Variants in PCDH9 observed in about 807,000 individuals in gnomAD.
PCDH9 encodes the protein protocadherin-9.
Under a neutral mutation model 70.6 loss-of-function variants are expected in PCDH9, and 24 were observed. That is an observed-to-expected ratio of 0.34 (90% confidence interval 0.25 to 0.48). The LOEUF (loss-of-function observed/expected upper bound fraction) is 0.48, where lower values mean the gene tolerates loss of function less well. PCDH9 is among the 20% of genes least tolerant of loss of function. The pLI is 0.99. For missense variants in PCDH9, 1,281 were observed against 1,503.6 expected (o/e 0.85, Z 2.45); for synonymous variants, 562 against 558.5 (o/e 1.01, Z -0.09).
chr13:66,421,511 T>C (rs267321), intron 4 of PCDH9, among the ~76,000 whole-genome samples: 146,373 of 152,262 alleles, frequency 0.96, 70,587 homozygotes, highest in East Asian at 1. Context: ...CAATATTCAA[T>C]ATTCTTGAAA....
chr13:66,374,079 A>G (rs1337732383), intron 4 of PCDH9, among the ~76,000 whole-genome samples: 2 of 152,078 alleles, frequency 1.3e-5, no homozygotes, highest in African/African-American at 4.8e-5. Context: ...AGAGACTGTC[A>G]AAGGTGGGCA....
At chr13:66,472,724 T>C (rs1200329695) in intron 4 of PCDH9, among the ~76,000 whole-genome samples, 1 of 151,010 alleles carries the variant, frequency 6.6e-6, no homozygotes, top group African/African-American at 2.5e-5. Flanking sequence ...CAGTTAAGAG[T>C]TTTGTACATG....
intron 4 of PCDH9, among the ~76,000 whole-genome samples, chr13:66,511,116 T>C (rs778983607): frequency 2.8e-4 from 43 of 152,160 alleles, no homozygotes; most frequent in Non-Finnish European, 5.4e-4. Context: ...AACATTCATA[T>C]CCAAAATGAT....
chr13:67,225,922 T>C lies in PCDH9; in HGVS notation c.2519A>G (p.His840Arg). 1 of 1,614,140 alleles carries C rather than the reference T, an allele frequency of 6.2e-7. No homozygotes were observed. Among genetic ancestry groups the C allele is most frequent in the Non-Finnish European group, 8.5e-7 (1 of 1,180,038 alleles). ...IFVTVLVRCRHASRFKAAQRS... is the reference protein window; with the variant it reads ...IFVTVLVRCRRASRFKAAQRS... ...CTGAGCTGCTTTGAACCTTGATGCATGGCGACAGCGCACCAGAACGGTGAC... is the reference window on the plus strand; with the variant it reads ...CTGAGCTGCTTTGAACCTTGATGCACGGCGACAGCGCACCAGAACGGTGAC... The change falls in exon 2 of 5, where the codon CAT (histidine) becomes CGT (arginine). Residue 840 changes from histidine to arginine, a missense_variant. His to Arg is a conservative substitution (Grantham distance 29). Around this residue, in one of 4 missense-constraint regions of PCDH9, gnomAD observed 207 missense variants for 191.8 expected, o/e 1.08. Coordinates refer to ENST00000377865, the MANE Select transcript of PCDH9 (RefSeq NM_203487.3).
chr13:66,358,626 C>T (rs960894285), intron 4 of PCDH9, among the ~76,000 whole-genome samples: 15 of 151,838 alleles, frequency 9.9e-5, no homozygotes, highest in Middle Eastern at 3.4e-3. Flanking sequence ...TATTGCAAAA[C>T]AGTTGGCAAC....
At chr13:66,384,229 T>C (rs1956891266) in intron 4 of PCDH9, among the ~76,000 whole-genome samples, 1 of 152,136 alleles carries the variant, frequency 6.6e-6, no homozygotes, top group South Asian at 2.1e-4. Context: ...CATCCAATTT[T>C]ATAGATGAAT....
intron 2 of PCDH9, chr13:67,220,510 A>T (rs1334126853): frequency 1.3e-5 from 2 of 152,040 alleles, no homozygotes; most frequent in African/African-American, 2.4e-5. Flanking sequence ...GATAGCTTGC[A>T]ATTATTTAAA....
At chr13:66,583,629 AT>A (rs1412862804) in intron 4 of PCDH9, among the ~76,000 whole-genome samples, 11 of 152,162 alleles carry the variant, frequency 7.2e-5, no homozygotes, top group African/African-American at 2.6e-4. Context: ...AAAAAAAAGA[AT>A]AAAACTCTTT....
intron 3 of PCDH9, among the ~76,000 whole-genome samples, chr13:66,849,586 G>T (rs1160852951): frequency 6.7e-6 from 1 of 148,194 alleles, no homozygotes; most frequent in Non-Finnish European, 1.5e-5. Context: ...GGCATGAGTG[G>T]GATGGGAGAA....
chr13:66,773,692 T>G (rs926371846), intron 3 of PCDH9, among the ~76,000 whole-genome samples: 1 of 151,332 alleles, frequency 6.6e-6, no homozygotes, highest in Non-Finnish European at 1.5e-5. Context: ...TAAACATAAA[T>G]CTAAACAACC....
chr13:67,158,021 A>T (rs2985925), intron 2 of PCDH9, among the ~76,000 whole-genome samples: 5,471 of 152,278 alleles, frequency 0.036, 322 homozygotes, highest in African/African-American at 0.12. Context: ...TTAAAAGTAA[A>T]CTTCTTACAA....
chr13:66,698,761 T>C (rs997543577), intron 3 of PCDH9, among the ~76,000 whole-genome samples: 7 of 151,958 alleles, frequency 4.6e-5, no homozygotes, highest in Admixed American at 1.3e-4. Flanking sequence ...CATTAATTTT[T>C]TGTAGAGATG....
chr13:66,348,546 C>T (rs59714757), intron 4 of PCDH9, among the ~76,000 whole-genome samples: 2,369 of 152,044 alleles, frequency 0.016, 59 homozygotes, highest in African/African-American at 0.055. Context: ...TACAGGCACC[C>T]GCCACCACAC....
chr13:67,035,070 G>A (rs1472232954), intron 2 of PCDH9, among the ~76,000 whole-genome samples: 1 of 152,050 alleles, frequency 6.6e-6, no homozygotes, highest in Non-Finnish European at 1.5e-5. Flanking sequence ...AAGGAAAAGA[G>A]GATTCAATTG....
At chr13:67,180,601 C>T (rs2088590085) in intron 2 of PCDH9, among the ~76,000 whole-genome samples, 1 of 152,120 alleles carries the variant, frequency 6.6e-6, no homozygotes, top group African/African-American at 2.4e-5. Context: ...CTCTGCATGG[C>T]CTATGTCCAT....
chr13:66,722,899 C>G lies in PCDH9; in HGVS notation c.3139-91488G>C, dbSNP rs564790811. Among the ~76,000 whole-genome samples the G allele has an allele frequency of 4.1e-5, 6 of 145,910 alleles. No homozygotes were observed. In the East Asian group the frequency reaches 1.2e-3, roughly 30 times the overall value. On this transcript the variant is annotated intron_variant, in intron 3 of 4. Transcript: ENST00000377865. ...AGGAAAATTGCTTGAACCCAGGAGG[C>G]GGAGGTTGCAGTGAGCCGAGATCGT...
chr13:67,135,311 T>G (rs1566446750), intron 2 of PCDH9, among the ~76,000 whole-genome samples: 1 of 152,092 alleles, frequency 6.6e-6, no homozygotes, highest in Non-Finnish European at 1.5e-5. Context: ...CCTGGGGAGA[T>G]GTCATAGTCA....
At chr13:66,918,123 C>A (rs9564360) in intron 2 of PCDH9, among the ~76,000 whole-genome samples, 61,356 of 150,918 alleles carry the variant, frequency 0.41, 13,951 homozygotes, top group African/African-American at 0.62. Flanking sequence ...TAGAGTATAA[C>A]AGAATCCAAC....
At chr13:66,935,272 T>C (rs1023363253) in intron 2 of PCDH9, among the ~76,000 whole-genome samples, 14 of 152,100 alleles carry the variant, frequency 9.2e-5, no homozygotes, top group Non-Finnish European at 1.8e-4. Context: ...CCTAGGCAGG[T>C]CTTGAATTCC....
Sources: allele counts gnomAD v4.1 joint callset (sites outside exome capture counted in the v4.1 genomes callset), GRCh38; gene constraint gnomAD v4.1.1; regional missense constraint gnomAD v4.1.1; transcripts MANE v1.5; gene names NCBI Gene and HGNC (gene_info 2026-07-23, HGNC 2026-07-21).